Variants in SP110 observed in about 807,000 individuals in gnomAD.
The protein encoded by SP110 is SP110 nuclear body protein, also known as interferon-induced protein 41, 30kD.
In SP110, 62 loss-of-function variants were observed where a neutral mutation model predicts 92.7. The ratio of observed to expected loss-of-function variants is 0.67; its 90% CI spans 0.55 to 0.83. The LOEUF (loss-of-function observed/expected upper bound fraction) is 0.83. SP110 is among the 40% of genes least tolerant of loss of function. The probability of loss-of-function intolerance (pLI) is 0.00; values close to 1 mark genes in which losing one functional copy is unlikely to be tolerated. For missense variants in SP110, 793 were observed against 863.9 expected (o/e 0.92, Z 1.03); for synonymous variants, 273 against 305.3 (o/e 0.89, Z 1.10).
chr2:230,175,967 A>G (rs1249622317), intron 14 of SP110, among the ~76,000 whole-genome samples: 1 of 73,922 alleles, frequency 1.4e-5, no homozygotes, highest in Non-Finnish European at 3.6e-5. Flanking sequence ...TTTCTGAGAC[A>G]GGGTCTTGCT....
chr2:230,225,602 G>A, exon 1 of SP110: 1 of 575,884 alleles, frequency 1.7e-6, no homozygotes, highest in Non-Finnish European at 3.1e-6. Context: ...AGGAACAAGT[G>A]ACCCTGTCTT....
intron 3 of SP110, 61 bp from the exon 4 acceptor site, chr2:230,213,088 G>T: frequency 6.4e-7 from 1 of 1,557,950 alleles, no homozygotes; most frequent in Non-Finnish European, 8.8e-7. Flanking sequence ...TTGGGGAAGG[G>T]GATTTCTTAA....
chr2:230,213,570 C>T (rs954182824), intron 3 of SP110: 1 of 158,532 alleles, frequency 6.3e-6, no homozygotes, highest in Non-Finnish European at 1.4e-5. Flanking sequence ...CACAATACCC[C>T]AGACCCTTGG....
At position 230,199,857 on chromosome 2, in the gene SP110, G is replaced by C. The variant is rs192547191; in HGVS notation, c.1129+1028C>G. On this transcript the variant is annotated intron_variant, in intron 10 of 18. Transcript: ENST00000258381. The stretch of plus-strand genomic sequence containing the variant: ...ACAAAGGTTTGACAGTATTCTTTCT[G>C]CCCCTTCCTTTCTATGGAGAACGAT... Among the ~76,000 whole-genome samples, 22 of 152,202 alleles carry C rather than the reference G, an allele frequency of 1.4e-4. 1 individual carries two copies. Among genetic ancestry groups the C allele is most frequent in the Admixed American group, 8.5e-4 (13 of 15,286 alleles).
intron 14 of SP110, among the ~76,000 whole-genome samples, chr2:230,176,138 T>G (rs994352698): frequency 6.6e-6 from 1 of 151,912 alleles, no homozygotes; most frequent in African/African-American, 2.4e-5. Flanking sequence ...AAGAAGGGGT[T>G]TTGTCCTGTT....
chr2:230,212,366 G>A lies in SP110; in HGVS notation c.648C>T (p.Leu216=). ...TGTTACCTTGCACAGTGCTAGTGAG[G>A]AGGCTGGGCATCTCTTCTGAGTCTT... ...AEEDSEEMPS[L]LTSTVQVASD... Residue 216 remains leucine, a synonymous_variant, in exon 5 of 19, where the codon CTC becomes CTT. Transcript: ENST00000258381. 1 of 1,612,812 alleles carries A rather than the reference G, an allele frequency of 6.2e-7. No homozygotes were observed.
At chr2:230,215,205 G>C (rs946247049) in intron 2 of SP110, 87 bp from the exon 3 acceptor site, 4 of 1,042,478 alleles carry the variant, frequency 3.8e-6, no homozygotes, top group Non-Finnish European at 4.4e-6. Flanking sequence ...TTTTAAGAAA[G>C]CTACCTTACT....
chr2:230,194,043 C>T (rs2148808311), intron 10 of SP110, among the ~76,000 whole-genome samples: 1 of 152,194 alleles, frequency 6.6e-6, no homozygotes, highest in South Asian at 2.1e-4. Context: ...GGGTGGGGAA[C>T]TAGGAAGAAG....
At chr2:230,195,035 C>T (rs549928282) in intron 10 of SP110, among the ~76,000 whole-genome samples, 1 of 151,802 alleles carries the variant, frequency 6.6e-6, no homozygotes, top group Admixed American at 6.6e-5. Context: ...TTTCACTTTT[C>T]TTCCTTATGT....
chr2:230,211,382 G>T lies in SP110; in HGVS notation c.751+88C>A. 3.5e-6 allele frequency: 3 copies of T among 859,616 alleles called. No homozygotes were observed. The highest frequency in any genetic ancestry group is 2.4e-5 in the East Asian group (1 of 41,412). 53.2% of individuals were successfully genotyped at this position (859,616 alleles called of 1,614,324 possible). On this transcript the variant is annotated intron_variant, in intron 6 of 18. Coordinates refer to ENST00000258381, the MANE Select transcript of SP110 (RefSeq NM_080424.4). The surrounding 1 kb of genome is among the most constrained non-coding windows in gnomAD (Gnocchi z 4.2). ...AAGATTGCTGAGAGGCAGGAGGAGA[G>T]CCCCCTCTCTAGAAGATCCGAATGG...
In SP110 at chr2:230,165,575, GT is replaced by G. The variant is rs1364842291; in HGVS notation, c.*3548del. Among the ~76,000 whole-genome samples the G allele has an allele frequency of 6.6e-6, 1 of 151,956 alleles. No individual in the cohort carries two copies. The highest frequency in any genetic ancestry group is 1.5e-5 in the Non-Finnish European group (1 of 68,002). ...AATTGAATAGAATAAACATTATAGAGTAAAAGCAAAAAAATTAATACTAATT... is the reference window on the plus strand; with the variant it reads ...AATTGAATAGAATAAACATTATAGAGAAAAGCAAAAAAATTAATACTAATT... On this transcript the variant is annotated 3_prime_UTR_variant, in exon 19 of 19. Transcript: ENST00000258381.
upstream of SP110, among the ~76,000 whole-genome samples, chr2:230,220,777 G>T (rs2045746339): frequency 6.6e-6 from 1 of 152,156 alleles, no homozygotes; most frequent in Admixed American, 6.5e-5. Context: ...GCCAAGATGG[G>T]AGGATTGCTT....
intron 1 of SP110, among the ~76,000 whole-genome samples, chr2:230,218,665 A>C (rs2045500640): frequency 2.0e-5 from 3 of 152,224 alleles, no homozygotes; most frequent in Non-Finnish European, 4.4e-5. Flanking sequence ...AGGGAGGCAC[A>C]GAGAGGTTTA....
At position 230,208,076 on chromosome 2, in the gene SP110, A is replaced by C. The variant is rs756582035; in HGVS notation, c.830-17T>G. The C allele has an allele frequency of 7.3e-7, 1 of 1,364,526 alleles. No homozygotes were observed. The highest frequency in any genetic ancestry group is 1.7e-5 in the Admixed American group (1 of 58,982). 84.5% of individuals were successfully genotyped at this position (1,364,526 alleles called of 1,614,324 possible). ...TTTTCTTTCCTAAAAAGAAAGGATA[A>C]TGTTTTATAGTTACAAACATTGATC... On this transcript the variant is annotated splice_polypyrimidine_tract_variant and intron_variant, in intron 7 of 18. Transcript: ENST00000258381.
intron 14 of SP110, among the ~76,000 whole-genome samples, chr2:230,176,124 T>G (rs1320038692): frequency 2.6e-5 from 4 of 151,958 alleles, no homozygotes; most frequent in Non-Finnish European, 4.4e-5. Flanking sequence ...TTGTATGTTT[T>G]GTAAAGAAGG....
intron 14 of SP110, among the ~76,000 whole-genome samples, chr2:230,175,331 C>G (rs1475051725): frequency 6.6e-6 from 1 of 152,094 alleles, no homozygotes; most frequent in Non-Finnish European, 1.5e-5. Flanking sequence ...ACTTATGAAT[C>G]CATGTATTTA....
intron 1 of SP110, among the ~76,000 whole-genome samples, chr2:230,218,492 TGCAAAG>T (rs1218951162): frequency 1.3e-5 from 2 of 152,180 alleles, no homozygotes; most frequent in African/African-American, 4.8e-5. Context: ...AAGGAGATAG[TGCAAAG>T]ATCAGTGCAA....
chr2:230,211,552 C>T lies in SP110; in HGVS notation c.669G>A (p.Val223=), dbSNP rs376677600. The T allele has an allele frequency of 1.8e-5, 29 of 1,596,524 alleles. No individual in the cohort carries two copies. In the Admixed American group the frequency reaches 3.7e-4, roughly 20 times the overall value. The change falls in exon 6 of 19, where the codon GTG becomes GTA. Residue 223 remains valine (V), a splice_region_variant and synonymous_variant. Transcript: ENST00000258381. This position sits in a 1 kb window ranked among gnomAD's most constrained non-coding sequence, Gnocchi z 4.2. Reference sequence around the variant, plus strand: ...TTTGGGGGATCAGGTTGTCACTGGCCACTGAATGGAGGAAGAAAAAGTTTT... The same window carrying T: ...TTTGGGGGATCAGGTTGTCACTGGCTACTGAATGGAGGAAGAAAAAGTTTT... ...MPSLLTSTVQ[V]ASDNLIPQIR... is the part of the protein sequence containing the mutation.
intron 14 of SP110, among the ~76,000 whole-genome samples, chr2:230,176,012 C>T (rs532572911): frequency 8.3e-5 from 12 of 145,286 alleles, no homozygotes; most frequent in East Asian, 2.1e-4. Flanking sequence ...GGCATGATCT[C>T]GCCTCACTGC....
Sources: gnomAD v4.1 joint callset for allele counts (sites outside exome capture counted in the v4.1 genomes callset) on GRCh38, gnomAD v4.1.1 for gene constraint, Gnocchi (gnomAD v3.1) non-coding constraint, MANE v1.5 for transcripts, NCBI Gene and HGNC (gene_info 2026-07-23, HGNC 2026-07-21) for gene names.